Variants in NEGR1 observed in about 807,000 individuals in gnomAD.
NEGR1 encodes neuronal growth regulator 1, also known as IgLON family member 4.
A neutral mutation model predicts 40.9 loss-of-function variants in NEGR1; 10 were observed. The observed-to-expected ratio is 0.24, with a 90% CI of 0.15 to 0.42. NEGR1 has a LOEUF of 0.42. Among genes scored for constraint, NEGR1 ranks in the 10% least tolerant of loss-of-function variants. The probability of loss-of-function intolerance (pLI) is 1.00; values close to 1 mark genes in which losing one functional copy is unlikely to be tolerated. For synonymous variants in NEGR1, 185 were observed against 166.8 expected (o/e 1.11, Z -0.84); for missense variants, 352 against 438.9 (o/e 0.80, Z 1.77).
At chr1:71,710,539 A>G (rs1654044630) in intron 3 of NEGR1, among the ~76,000 whole-genome samples, 3 of 152,248 alleles carry the variant, frequency 2.0e-5, no homozygotes, top group Admixed American at 2.0e-4. Flanking sequence ...GAGTACTATT[A>G]AGCCATAACA....
At chr1:71,459,067 C>A (rs1281886913) in intron 6 of NEGR1, among the ~76,000 whole-genome samples, 2 of 151,904 alleles carry the variant, frequency 1.3e-5, no homozygotes, top group East Asian at 1.9e-4. Flanking sequence ...AAATAAAATT[C>A]TTGTCTCATT....
At chr1:71,943,742 TC>T (rs1645993360) in intron 1 of NEGR1, among the ~76,000 whole-genome samples, 1 of 152,142 alleles carries the variant, frequency 6.6e-6, no homozygotes, top group Non-Finnish European at 1.5e-5. Flanking sequence ...CTAATTACTA[TC>T]CTCTTATCCC....
At chr1:71,509,386 T>C (rs933740839) in intron 6 of NEGR1, among the ~76,000 whole-genome samples, 1 of 152,194 alleles carries the variant, frequency 6.6e-6, no homozygotes, top group African/African-American at 2.4e-5. Flanking sequence ...CTTGCCTCTC[T>C]AGGCAGGGGG....
intron 1 of NEGR1, among the ~76,000 whole-genome samples, chr1:72,037,228 A>G (rs1905980): frequency 0.1 from 15,720 of 152,218 alleles, 906 homozygotes; most frequent in Middle Eastern, 0.18. Flanking sequence ...ATGTTGGAAT[A>G]GATATTTAGT....
chr1:71,410,613 T>C (rs1264272610), intron 6 of NEGR1, among the ~76,000 whole-genome samples: 1 of 152,200 alleles, frequency 6.6e-6, no homozygotes, highest in Non-Finnish European at 1.5e-5. Flanking sequence ...TACAATGATA[T>C]ACATACTTTA....
intron 6 of NEGR1, among the ~76,000 whole-genome samples, chr1:71,492,690 A>G (rs1197752170): frequency 6.6e-6 from 1 of 152,154 alleles, no homozygotes; most frequent in Non-Finnish European, 1.5e-5. Flanking sequence ...GCAAGACACA[A>G]AGCTGGTTAG....
At chr1:71,416,341 G>A (rs533396767) in intron 6 of NEGR1, among the ~76,000 whole-genome samples, 2 of 152,086 alleles carry the variant, frequency 1.3e-5, no homozygotes, top group African/African-American at 4.8e-5. Flanking sequence ...GTGTTAGGAA[G>A]GTTACCTAAA....
intron 3 of NEGR1, among the ~76,000 whole-genome samples, chr1:71,749,051 T>C (rs929428839): frequency 6.6e-6 from 1 of 152,202 alleles, no homozygotes; most frequent in Non-Finnish European, 1.5e-5. Context: ...ATAAGAATGA[T>C]GCTTTCAATA....
chr1:71,571,335 A>C (rs1396425643), intron 6 of NEGR1, among the ~76,000 whole-genome samples: 1 of 152,226 alleles, frequency 6.6e-6, no homozygotes, highest in Non-Finnish European at 1.5e-5. Flanking sequence ...AATTCTCTGA[A>C]GCACAAGTAC....
intron 2 of NEGR1, among the ~76,000 whole-genome samples, chr1:71,818,629 G>C (rs1187824730): frequency 6.6e-6 from 1 of 151,928 alleles, no homozygotes; most frequent in African/African-American, 2.4e-5. Context: ...CCAAACTTCT[G>C]TGAAGTGCAT....
At chr1:71,603,394 G>A (rs1649985477) in intron 5 of NEGR1, among the ~76,000 whole-genome samples, 1 of 152,182 alleles carries the variant, frequency 6.6e-6, no homozygotes, top group African/African-American at 2.4e-5. Context: ...AACTTGTAAT[G>A]TAAAATCTAG....
At chr1:71,622,068 C>A (rs1370183515) in intron 4 of NEGR1, among the ~76,000 whole-genome samples, 2 of 151,802 alleles carry the variant, frequency 1.3e-5, no homozygotes, top group Non-Finnish European at 2.9e-5. Context: ...AATAGCTGTC[C>A]CCTTGTAGTC....
chr1:72,257,564 C>T (rs971725468), intron 1 of NEGR1, among the ~76,000 whole-genome samples: 1 of 152,032 alleles, frequency 6.6e-6, no homozygotes, highest in African/African-American at 2.4e-5. Context: ...TAAAGATCTA[C>T]TTATATTTAT....
chr1:71,720,784 C>T (rs1396563946), intron 3 of NEGR1, among the ~76,000 whole-genome samples: 1 of 152,128 alleles, frequency 6.6e-6, no homozygotes, highest in Non-Finnish European at 1.5e-5. Context: ...TTGATGACTT[C>T]CAAACTTCAA....
intron 1 of NEGR1, among the ~76,000 whole-genome samples, chr1:72,194,392 G>A (rs916099599): frequency 6.6e-6 from 1 of 151,904 alleles, no homozygotes; most frequent in Non-Finnish European, 1.5e-5. Flanking sequence ...CAAACTTTGA[G>A]TCTCAAAAGT....
At chr1:71,896,284 C>T (rs34133996) in intron 2 of NEGR1, among the ~76,000 whole-genome samples, 32,626 of 151,916 alleles carry the variant, frequency 0.21, 4,287 homozygotes, top group East Asian at 0.5. Context: ...GTGATCCACC[C>T]GCCTGGGCCT....
At chr1:72,270,070 G>A (rs925923373) in intron 1 of NEGR1, among the ~76,000 whole-genome samples, 1 of 151,780 alleles carries the variant, frequency 6.6e-6, no homozygotes, top group Non-Finnish European at 1.5e-5. Context: ...AAGGCACTGG[G>A]CTTGGGATAA....
intron 1 of NEGR1, among the ~76,000 whole-genome samples, chr1:72,224,326 CT>C (rs35673077): frequency 0.15 from 20,833 of 140,016 alleles, 1,734 homozygotes; most frequent in Non-Finnish European, 0.2. Flanking sequence ...TTTTTTTTTT[CT>C]AATGCATGAC....
At chr1:72,157,626 GC>G (rs2100367407) in intron 1 of NEGR1, among the ~76,000 whole-genome samples, 1 of 152,174 alleles carries the variant, frequency 6.6e-6, no homozygotes, top group South Asian at 2.1e-4. Flanking sequence ...TTAAATCTGA[GC>G]CAGGCTAGAT....
Sources: allele counts gnomAD v4.1 joint callset (sites outside exome capture counted in the v4.1 genomes callset), GRCh38; gene constraint gnomAD v4.1.1; transcripts MANE v1.5; gene names NCBI Gene and HGNC (gene_info 2026-07-23, HGNC 2026-07-21).